MYO16: variants seen among roughly 807,000 people sequenced by gnomAD.
The protein encoded by MYO16 is unconventional myosin-XVI.
Under a neutral mutation model 205.3 loss-of-function variants are expected in MYO16, and 94 were observed. The observed-to-expected ratio is 0.46, with a 90% CI of 0.39 to 0.54. The LOEUF (loss-of-function observed/expected upper bound fraction) is 0.54. Ranked by LOEUF, MYO16 falls within the 20% of genes least tolerant of loss-of-function variation. MYO16 has a pLI of 0.00. For synonymous variants in MYO16, 988 were observed against 954.0 expected (o/e 1.04, Z -0.66); for missense variants, 2,315 against 2,387.5 (o/e 0.97, Z 0.63).
intron 4 of MYO16, among the ~76,000 whole-genome samples, chr13:108,780,663 T>A (rs1387319972): frequency 6.6e-6 from 1 of 152,220 alleles, no homozygotes; most frequent in East Asian, 1.9e-4. Context: ...TTTTTAATGA[T>A]TAGTTTAAGT....
Position 109,055,360 on chromosome 13 carries a change from G to A in MYO16, c.3130-30G>A. 6.4e-7 allele frequency: 1 copy of A among 1,555,084 alleles called. No individual in the cohort carries two copies. The highest frequency in any genetic ancestry group is 1.8e-5 in the Admixed American group (1 of 56,814). ...ATTTTTAGCTAGTGTCTCCTTTGGAGAATCAGTTGGGTTCTACTTCTCTCC... is the reference window on the plus strand; with the variant it reads ...ATTTTTAGCTAGTGTCTCCTTTGGAAAATCAGTTGGGTTCTACTTCTCTCC... On this transcript the variant is annotated intron_variant, in intron 26 of 34. Transcript: ENST00000457511. The surrounding 1 kb of genome is among the most constrained non-coding windows in gnomAD (Gnocchi z 5.0).
intron 1 of MYO16, among the ~76,000 whole-genome samples, chr13:108,658,163 T>A (rs1326030918): frequency 6.6e-6 from 1 of 152,180 alleles, no homozygotes; most frequent in Non-Finnish European, 1.5e-5. Context: ...ATCTCTGCCT[T>A]AAAGACAGGT....
At chr13:108,943,652 T>C (rs1352234757) in intron 16 of MYO16, among the ~76,000 whole-genome samples, 1 of 152,074 alleles carries the variant, frequency 6.6e-6, no homozygotes, top group Admixed American at 6.5e-5. Context: ...GGTTTCACCA[T>C]GTTGGCCAGG....
intron 9 of MYO16, among the ~76,000 whole-genome samples, chr13:108,825,695 A>T (rs1008202376): frequency 1.3e-5 from 2 of 152,002 alleles, no homozygotes; most frequent in African/African-American, 4.8e-5. Context: ...TAAGGAATTT[A>T]CAAAAATATC....
intron 21 of MYO16, among the ~76,000 whole-genome samples, chr13:108,994,035 C>T (rs185305679): frequency 2.0e-5 from 3 of 152,088 alleles, no homozygotes; most frequent in Admixed American, 6.6e-5. Flanking sequence ...ATAGAGTGTC[C>T]TAATGATGAA....
chr13:108,799,174 T>C (rs1886895060), intron 6 of MYO16, among the ~76,000 whole-genome samples: 1 of 152,248 alleles, frequency 6.6e-6, no homozygotes, highest in Non-Finnish European at 1.5e-5. Context: ...ACTTCTGTGA[T>C]CACTTTATGT....
upstream of MYO16, among the ~76,000 whole-genome samples, chr13:108,595,237 T>A (rs1005779219): frequency 3.3e-5 from 5 of 152,166 alleles, no homozygotes; most frequent in Admixed American, 6.5e-5. Context: ...AATATCCAGA[T>A]TGGAAATTCA....
At chr13:109,171,723 G>A (rs1384969071) in intron 33 of MYO16, among the ~76,000 whole-genome samples, 3 of 152,046 alleles carry the variant, frequency 2.0e-5, no homozygotes, top group Non-Finnish European at 4.4e-5. Flanking sequence ...TTATTTTGTG[G>A]GGACACACAG....
intron 4 of MYO16, among the ~76,000 whole-genome samples, chr13:108,753,162 G>A (rs1036053998): frequency 6.6e-6 from 1 of 151,020 alleles, no homozygotes; most frequent in African/African-American, 2.4e-5. Context: ...GAGGTCAGCA[G>A]TTCGAGACCA....
chr13:108,724,132 T>A (rs1405864941), intron 3 of MYO16, among the ~76,000 whole-genome samples: 1 of 152,222 alleles, frequency 6.6e-6, no homozygotes, highest in Non-Finnish European at 1.5e-5. Context: ...TATAGAAATA[T>A]CTTTGTTTTT....
chr13:108,715,298 G>C (rs958009019), intron 3 of MYO16, among the ~76,000 whole-genome samples: 1 of 152,108 alleles, frequency 6.6e-6, no homozygotes, highest in South Asian at 2.1e-4. Flanking sequence ...TCTGCTCAAC[G>C]TGATCTAAAG....
chr13:109,206,984 T>C lies in MYO16; in HGVS notation c.*148T>C. On this transcript the variant is annotated 3_prime_UTR_variant, in exon 35 of 35. Coordinates refer to ENST00000457511, the MANE Select transcript of MYO16 (RefSeq NM_001198950.3). ...GGACACAGACACTAAATATATGAGA[T>C]CCCGTGTGTGTGTGTGTGTGTTTGT... is the stretch of plus-strand genomic sequence containing the variant. 4 of 575,518 alleles carry C rather than the reference T, an allele frequency of 7.0e-6. No individual in the cohort carries two copies. Among genetic ancestry groups the C allele is most frequent in the Non-Finnish European group, 9.2e-6 (3 of 326,908 alleles). The allele number at this position is 575,518 out of a possible 1,614,324, so 35.7% of individuals were successfully genotyped here.
chr13:108,851,751 G>A (rs1314982668), intron 10 of MYO16, among the ~76,000 whole-genome samples: 2 of 152,060 alleles, frequency 1.3e-5, no homozygotes, highest in Non-Finnish European at 2.9e-5. Flanking sequence ...GAGCTTGCTA[G>A]CTGGTCTCAC....
intron 20 of MYO16, among the ~76,000 whole-genome samples, chr13:108,984,273 A>G (rs1003855956): frequency 6.6e-6 from 1 of 152,128 alleles, no homozygotes; most frequent in Admixed American, 6.5e-5. Context: ...AAATCAGAAG[A>G]TCACTCTTAG....
At chr13:108,507,643 G>C in the MYO16 span, among the ~76,000 whole-genome samples, 1 of 152,050 alleles carries the variant, frequency 6.6e-6, no homozygotes, top group African/African-American at 2.4e-5. Flanking sequence ...TCTTAAATTT[G>C]GATGTCTATT....
rs1883771747 is a variant in MYO16 at position 108,712,719 on chromosome 13, C to A, written c.351C>A (p.Ser117=). 3 of 1,613,286 alleles carry A rather than the reference C, an allele frequency of 1.9e-6. No homozygotes were observed. The highest frequency in any genetic ancestry group is 2.5e-6 in the Non-Finnish European group (3 of 1,179,712). Reference sequence around the variant, plus strand: ...ACACCCTCGTCTCCTCGGGAGGGTCCCTGCTCCATCTGGTAAGAACCGCGA... The same window carrying A: ...ACACCCTCGTCTCCTCGGGAGGGTCACTGCTCCATCTGGTAAGAACCGCGA... ...DPHTLVSSGG[S]LLHLCARYDN... The change falls in exon 3 of 35, where the codon TCC becomes TCA. Residue 117 remains serine, a synonymous_variant. Coordinates refer to ENST00000457511, the MANE Select transcript of MYO16 (RefSeq NM_001198950.3).
intron 4 of MYO16, among the ~76,000 whole-genome samples, chr13:108,767,490 T>G (rs9521018): frequency 0.77 from 117,312 of 152,044 alleles, 46,041 homozygotes; most frequent in East Asian, 0.99. Flanking sequence ...TAAAGGTAGT[T>G]ATAGAGGGCA....
intron 1 of MYO16, among the ~76,000 whole-genome samples, chr13:108,611,115 G>A (rs772696700): frequency 1.3e-5 from 2 of 152,120 alleles, no homozygotes; most frequent in Non-Finnish European, 2.9e-5. Context: ...TGAAAGAGGT[G>A]AGGTATCACT....
Position 109,022,627 on chromosome 13 carries a change from TA to T in MYO16, c.2796+2717del, listed in dbSNP as rs1407117863. 3.5e-4 allele frequency among the ~76,000 whole-genome samples: 47 copies of T among 133,238 alleles called. 7 individuals carry two copies. Among genetic ancestry groups the T allele is most frequent in the African/African-American group, 1.3e-3 (44 of 34,898 alleles). The allele number at this position is 133,238 out of a possible 152,430, so 87.4% of individuals were successfully genotyped here. ...ATACGCATATAAACATATGTATATA[TA>T]TTATATATATGCATATAAACATATG... On this transcript the variant is annotated intron_variant, in intron 23 of 34. Transcript: ENST00000457511.
Sources: allele counts gnomAD v4.1 joint callset (sites outside exome capture counted in the v4.1 genomes callset), GRCh38; gene constraint gnomAD v4.1.1; non-coding constraint Gnocchi (gnomAD v3.1); transcripts MANE v1.5; gene names NCBI Gene and HGNC (gene_info 2026-07-23, HGNC 2026-07-21).